The following ARHGAP44 variants were observed in gnomAD, a reference collection of about 807,000 sequenced individuals.
The protein encoded by ARHGAP44 is Rho GTPase activating protein 44.
ARHGAP44 carries 43 observed loss-of-function variants against 106.8 expected under a neutral mutation model. The ratio of observed to expected loss-of-function variants is 0.40; its 90% CI spans 0.32 to 0.52. The LOEUF (loss-of-function observed/expected upper bound fraction) is 0.52, where lower values mean the gene tolerates loss of function less well. ARHGAP44 is among the 20% of genes least tolerant of loss of function. The pLI is 0.48. For missense variants in ARHGAP44, 866 were observed against 1,050.5 expected, an observed-to-expected ratio of 0.82 and a Z score of 2.43; for synonymous variants, 439 against 410.3, an observed-to-expected ratio of 1.07 and a Z score of -0.85.
At chr17:12,860,457 C>T (rs1316410296) in intron 1 of ARHGAP44, among the ~76,000 whole-genome samples, 2 of 152,102 alleles carry the variant, frequency 1.3e-5, no homozygotes, top group African/African-American at 4.8e-5. Context: ...AAAGCTGTGA[C>T]CTTCAGAGGG....
In ARHGAP44 at chr17:12,990,418, G is replaced by T; in HGVS notation, c.*247G>T. 1 of 460,092 alleles carries T rather than the reference G, an allele frequency of 2.2e-6. No homozygotes were observed. Among genetic ancestry groups the T allele is most frequent in the Non-Finnish European group, 4.0e-6 (1 of 251,902 alleles). The allele number at this position is 460,092 out of a possible 1,614,324, so 28.5% of individuals were successfully genotyped here. On this transcript the variant is annotated 3_prime_UTR_variant, in exon 21 of 21. Coordinates refer to ENST00000379672, the MANE Select transcript of ARHGAP44 (RefSeq NM_014859.6). ...TGTTTGACCTTTGCCTTTTGACTTT[G>T]TGCCTCTTTTGATCCACTTTCAGCC...
chr17:12,951,181 G>A (rs1315650715), intron 12 of ARHGAP44, among the ~76,000 whole-genome samples: 2 of 152,202 alleles, frequency 1.3e-5, no homozygotes, highest in African/African-American at 4.8e-5. Flanking sequence ...TTTATTGAGT[G>A]CTTATTAGAG....
chr17:12,916,153 C>T, intron 5 of ARHGAP44, 142 bp downstream of exon 5: 1 of 682,224 alleles, frequency 1.5e-6, no homozygotes, highest in Non-Finnish European at 2.5e-6. Flanking sequence ...TCTTACCTAA[C>T]CACATGGTCA....
intron 1 of ARHGAP44, among the ~76,000 whole-genome samples, chr17:12,796,826 C>T (rs1274169121): frequency 2.7e-5 from 4 of 150,188 alleles, no homozygotes; most frequent in South Asian, 2.1e-4. Flanking sequence ...AGGATGGTCT[C>T]GGTCTCCTGA....
Position 12,984,549 on chromosome 17 carries a change from C to T in ARHGAP44, c.1958C>T (p.Pro653Leu), listed in dbSNP as rs1185101471. The part of the protein sequence containing the change: ...TLRKVSKKLA[P>L]IPPKVPFGQP... ...CTTTCAGTTTCAAAGAAGCTGGCAC[C>T]GATTCCACCCAAGGTCCCCTTTGGC... The change falls in exon 20 of 21, where the codon CCG becomes CTG. Residue 653 changes from proline to leucine, a missense_variant. Physicochemically the swap from Pro to Leu is moderately conservative, Grantham distance 98 (BLOSUM62 -3). Around this residue, in one of 2 missense-constraint regions of ARHGAP44, gnomAD observed 418 missense variants for 403.6 expected, o/e 1.04. Transcript: ENST00000379672. 3.3e-6 allele frequency: 5 copies of T among 1,524,900 alleles called. No individual in the cohort carries two copies. Among genetic ancestry groups the T allele is most frequent in the Non-Finnish European group, 4.4e-6 (5 of 1,139,628 alleles). The allele number at this position is 1,524,900 out of a possible 1,614,324, so 94.5% of individuals were successfully genotyped here.
chr17:12,846,725 A>C (rs1442631131), intron 1 of ARHGAP44, among the ~76,000 whole-genome samples: 1 of 152,252 alleles, frequency 6.6e-6, no homozygotes, highest in Non-Finnish European at 1.5e-5. Flanking sequence ...TTCATGACGT[A>C]AATATATGAG....
chr17:12,908,793 A>G, intron 3 of ARHGAP44, 104 bp from the exon 4 acceptor site: 1 of 858,400 alleles, frequency 1.2e-6, no homozygotes, highest in Non-Finnish European at 1.9e-6. Context: ...AGCTTGTTTC[A>G]TAGTTAATAT....
At chr17:12,916,072 C>A in intron 5 of ARHGAP44, 61 bp downstream of exon 5, 1 of 1,329,500 alleles carries the variant, frequency 7.5e-7, no homozygotes, top group South Asian at 1.2e-5. Flanking sequence ...AGGAGCCCCT[C>A]AATCATTCTG....
At chr17:12,989,093 A>ACC (rs1555569140) in intron 20 of ARHGAP44, among the ~76,000 whole-genome samples, 7 of 52,082 alleles carry the variant, frequency 1.3e-4, no homozygotes, top group South Asian at 8.3e-4. Flanking sequence ...GCGAAACTCC[A>ACC]CCCCCCCCAA....
At chr17:12,857,406 G>A (rs2035943151) in intron 1 of ARHGAP44, among the ~76,000 whole-genome samples, 1 of 152,160 alleles carries the variant, frequency 6.6e-6, no homozygotes, top group Non-Finnish European at 1.5e-5. Context: ...GTCATAACAT[G>A]GCAGAGGGTG....
At chr17:12,914,589 G>T (rs550079641) in intron 4 of ARHGAP44, among the ~76,000 whole-genome samples, 1 of 152,234 alleles carries the variant, frequency 6.6e-6, no homozygotes, top group East Asian at 1.9e-4. Context: ...GAGGTCAGGA[G>T]TTCGAGACCA....
At position 12,863,622 on chromosome 17, in the gene ARHGAP44, A is replaced by G. The variant is rs1187092994; in HGVS notation, c.54-31318A>G. The stretch of plus-strand genomic sequence containing the variant: ...AGACAATACTAAATTCTTGAGCAAT[A>G]TGAAAATTCTGCATCCAAGTATTAA... On this transcript the variant is annotated intron_variant, in intron 1 of 20. Coordinates refer to ENST00000379672, the MANE Select transcript of ARHGAP44 (RefSeq NM_014859.6). Among the ~76,000 whole-genome samples the G allele has an allele frequency of 3.9e-5, 6 of 152,184 alleles. No homozygotes were observed. In the East Asian group the frequency reaches 1.2e-3, roughly 29 times the overall value.
chr17:12,819,891 A>G (rs925854318), intron 1 of ARHGAP44, among the ~76,000 whole-genome samples: 1 of 152,018 alleles, frequency 6.6e-6, no homozygotes, highest in Non-Finnish European at 1.5e-5. Context: ...TGATGTCTTT[A>G]TGAACAGAGT....
At chr17:12,943,519 C>A in intron 8 of ARHGAP44, 69 bp from the exon 9 acceptor site, 1 of 1,483,342 alleles carries the variant, frequency 6.7e-7, no homozygotes, top group Non-Finnish European at 9.4e-7. Flanking sequence ...CTGCAAAATG[C>A]TTTGCATGCC....
chr17:12,802,722 G>C lies in ARHGAP44; in HGVS notation c.53+12831G>C, dbSNP rs185472563. Among the ~76,000 whole-genome samples the C allele has an allele frequency of 3.9e-4, 57 of 147,804 alleles. No individual in the cohort carries two copies. The East Asian group carries it at 9.3e-3, about 24-fold the overall frequency. On this transcript the variant is annotated intron_variant, in intron 1 of 20. Coordinates refer to ENST00000379672, the MANE Select transcript of ARHGAP44 (RefSeq NM_014859.6). ...TACTTACTGATTTAGTGTGTTTCCTGGCATTCAAAGTAGTCCATTCTTTTT... is the reference window on the plus strand; with the variant it reads ...TACTTACTGATTTAGTGTGTTTCCTCGCATTCAAAGTAGTCCATTCTTTTT...
chr17:12,895,802 C>T (rs1287217812), intron 2 of ARHGAP44, among the ~76,000 whole-genome samples: 3 of 152,038 alleles, frequency 2.0e-5, no homozygotes, highest in East Asian at 1.9e-4. Context: ...CACATGCACA[C>T]GTATGTTTAT....
At chr17:12,881,079 AT>A (rs145561916) in intron 1 of ARHGAP44, among the ~76,000 whole-genome samples, 12 of 148,646 alleles carry the variant, frequency 8.1e-5, no homozygotes, top group African/African-American at 2.7e-4. Context: ...TTTAGGGTTG[AT>A]TTTTTTTTCT....
In ARHGAP44 at chr17:12,990,636, C is replaced by T. The variant is rs2040108740; in HGVS notation, c.*465C>T. ...GAAAGGAAGCAGGACAGCAGGGCCC[C>T]TCTCACCCACAACTGGACCAGGTCC... On this transcript the variant is annotated 3_prime_UTR_variant, in exon 21 of 21. Coordinates refer to ENST00000379672, the MANE Select transcript of ARHGAP44 (RefSeq NM_014859.6). 1 of 156,554 alleles carries T rather than the reference C, an allele frequency of 6.4e-6. No individual in the cohort carries two copies. Among genetic ancestry groups the T allele is most frequent in the Non-Finnish European group, 1.4e-5 (1 of 70,348 alleles). 9.7% of individuals were successfully genotyped at this position (156,554 alleles called of 1,614,324 possible).
chr17:12,875,737 A>G (rs1401724311), intron 1 of ARHGAP44, among the ~76,000 whole-genome samples: 1 of 152,222 alleles, frequency 6.6e-6, no homozygotes, highest in Non-Finnish European at 1.5e-5. Flanking sequence ...TGAGGTCAGG[A>G]GTTCGAGACC....
Sources: allele counts gnomAD v4.1 joint callset (sites outside exome capture counted in the v4.1 genomes callset), GRCh38; gene constraint gnomAD v4.1.1; regional missense constraint gnomAD v4.1.1; transcripts MANE v1.5; gene names NCBI Gene and HGNC (gene_info 2026-07-23, HGNC 2026-07-21).